ZFAND3: variants seen among roughly 807,000 people sequenced by gnomAD.
ZFAND3 encodes zinc finger AN1-type containing 3, also known as AN1-type zinc finger protein 3.
A neutral mutation model predicts 29.6 loss-of-function variants in ZFAND3; 10 were observed. The ratio of observed to expected loss-of-function variants is 0.34; its 90% CI spans 0.21 to 0.57. ZFAND3 has a LOEUF of 0.57. Among genes scored for constraint, ZFAND3 ranks in the 20% least tolerant of loss-of-function variants. ZFAND3 has a pLI of 0.86. For synonymous variants in ZFAND3, 128 were observed against 112.6 expected (o/e 1.14, Z -0.87); for missense variants, 230 against 304.5 (o/e 0.76, Z 1.82).
At chr6:38,072,158 CTCTG>C (rs1240450042) in intron 3 of ZFAND3, among the ~76,000 whole-genome samples, 87 of 134,992 alleles carry the variant, frequency 6.4e-4, no homozygotes, top group African/African-American at 2.2e-3. Context: ...CTCTCTCTCT[CTCTG>C]TCTCTGTCTC....
At chr6:37,865,149 G>A (rs1366162709) in intron 1 of ZFAND3, among the ~76,000 whole-genome samples, 1 of 152,178 alleles carries the variant, frequency 6.6e-6, no homozygotes, top group Non-Finnish European at 1.5e-5. Flanking sequence ...CTGCACTCCA[G>A]CCTGGGAGAC....
At chr6:37,886,678 A>G (rs1765000591) in intron 1 of ZFAND3, among the ~76,000 whole-genome samples, 1 of 152,142 alleles carries the variant, frequency 6.6e-6, no homozygotes, top group South Asian at 2.1e-4. Context: ...TGAGAATTCC[A>G]TGTTTTGGAT....
At chr6:38,151,801 T>C (rs1433568553) in intron 5 of ZFAND3, among the ~76,000 whole-genome samples, 1 of 152,108 alleles carries the variant, frequency 6.6e-6, no homozygotes, top group Non-Finnish European at 1.5e-5. Flanking sequence ...TGGAATGTCA[T>C]TTAAGACATA....
chr6:37,870,276 C>CA (rs1764667520), intron 1 of ZFAND3, among the ~76,000 whole-genome samples: 1 of 110,490 alleles, frequency 9.1e-6, no homozygotes, highest in Non-Finnish European at 1.7e-5. Flanking sequence ...GCCTGGGCGA[C>CA]AGAGCGAGAC....
intron 2 of ZFAND3, among the ~76,000 whole-genome samples, chr6:38,008,519 C>G (rs1301552381): frequency 3.3e-5 from 5 of 152,108 alleles, no homozygotes; most frequent in African/African-American, 1.2e-4. Flanking sequence ...TACTCCACCC[C>G]TTCTCTCCCA....
chr6:38,152,142 C>T lies in ZFAND3; in HGVS notation c.530-93C>T, dbSNP rs564714623. The T allele has an allele frequency of 1.1e-5, 13 of 1,218,340 alleles. No individual in the cohort carries two copies. The African/African-American group carries it at 1.5e-4, about 15-fold the overall frequency. The allele number at this position is 1,218,340 out of a possible 1,614,324, so 75.5% of individuals were successfully genotyped here. On this transcript the variant is annotated intron_variant, in intron 5 of 5. Transcript: ENST00000287218. ...GAGTGTTGTCCACTCACTGGGATGC[C>T]CCTCCATCCTCTGGACAAAGGCAAT...
chr6:38,154,456 G>A lies in ZFAND3; in HGVS notation c.*2067G>A, dbSNP rs889970971. On this transcript the variant is annotated 3_prime_UTR_variant, in exon 6 of 6. Transcript: ENST00000287218. Reference sequence around the variant, plus strand: ...AAATGTAAGGAAAGCTTAAATTCTTGTATCTTTAAAAGAGAAAATCTTATT... The same window carrying A: ...AAATGTAAGGAAAGCTTAAATTCTTATATCTTTAAAAGAGAAAATCTTATT... 2.0e-6 allele frequency: 2 copies of A among 985,556 alleles called. No homozygotes were observed. The highest frequency in any genetic ancestry group is 3.5e-5 in the African/African-American group (2 of 57,180). The allele number at this position is 985,556 out of a possible 1,614,324, so 61.1% of individuals were successfully genotyped here.
intron 2 of ZFAND3, among the ~76,000 whole-genome samples, chr6:37,968,555 T>A (rs1762331498): frequency 6.6e-6 from 1 of 152,098 alleles, no homozygotes; most frequent in Non-Finnish European, 1.5e-5. Context: ...TAGCAGTTAC[T>A]ACGAGAGAGG....
chr6:38,039,585 C>T (rs187630800), intron 2 of ZFAND3, among the ~76,000 whole-genome samples: 2 of 152,094 alleles, frequency 1.3e-5, no homozygotes, highest in East Asian at 1.9e-4. Context: ...TACATAAAAA[C>T]GAATTGAGGA....
intron 1 of ZFAND3, among the ~76,000 whole-genome samples, chr6:37,898,898 CTTAT>C (rs60885835): frequency 1.3e-5 from 2 of 151,112 alleles, no homozygotes; most frequent in East Asian, 3.9e-4. Flanking sequence ...ATATTCATTT[CTTAT>C]TTATTTATTT....
At chr6:37,836,021 T>C (rs958608764) in intron 1 of ZFAND3, among the ~76,000 whole-genome samples, 6 of 152,106 alleles carry the variant, frequency 3.9e-5, no homozygotes, top group African/African-American at 1.4e-4. Context: ...ATGCCTTAGG[T>C]GTCTGAATTA....
intron 5 of ZFAND3, among the ~76,000 whole-genome samples, chr6:38,121,491 G>T (rs1476347435): frequency 6.6e-6 from 1 of 152,222 alleles, no homozygotes; most frequent in African/African-American, 2.4e-5. Flanking sequence ...CAGAGGTTCT[G>T]ATTTGGTAGA....
At chr6:37,835,902 A>AT (rs1763959252) in intron 1 of ZFAND3, among the ~76,000 whole-genome samples, 1 of 152,174 alleles carries the variant, frequency 6.6e-6, no homozygotes, top group South Asian at 2.1e-4. Context: ...CATGTACCAG[A>AT]TTTTATGTAA....
intron 5 of ZFAND3, among the ~76,000 whole-genome samples, chr6:38,136,107 G>A (rs935498778): frequency 3.9e-5 from 6 of 152,344 alleles, no homozygotes; most frequent in Middle Eastern, 3.4e-3. Context: ...ATTGACCTGA[G>A]AGAGGTGTTT....
chr6:37,840,530 C>G (rs922118419), intron 1 of ZFAND3, among the ~76,000 whole-genome samples: 94 of 152,308 alleles, frequency 6.2e-4, no homozygotes, highest in African/African-American at 2.0e-3. Flanking sequence ...CATGTTTTGG[C>G]TGTTTTGGGT....
rs188064869 is a variant in ZFAND3 at position 37,883,862 on chromosome 6, T to C, written c.72-46097T>C. Reference sequence around the variant, plus strand: ...GCTTGATGGATACCTTTTCATTATCTATTTCCCTTTCTCCCGTCCACCTAA... The same window carrying C: ...GCTTGATGGATACCTTTTCATTATCCATTTCCCTTTCTCCCGTCCACCTAA... On this transcript the variant is annotated intron_variant, in intron 1 of 5. Transcript: ENST00000287218. Among the ~76,000 whole-genome samples the C allele has an allele frequency of 2.1e-5, 3 of 145,486 alleles. No individual in the cohort carries two copies. In the East Asian group the frequency reaches 5.9e-4, roughly 28 times the overall value.
intron 5 of ZFAND3, among the ~76,000 whole-genome samples, chr6:38,140,865 T>G (rs1446644165): frequency 1.3e-5 from 2 of 152,226 alleles, no homozygotes; most frequent in Non-Finnish European, 2.9e-5. Context: ...TTTGAACTCA[T>G]GTCTGCAGAA....
intron 1 of ZFAND3, among the ~76,000 whole-genome samples, chr6:37,885,857 C>T (rs565841150): frequency 2.2e-4 from 34 of 152,122 alleles, no homozygotes; most frequent in Non-Finnish European, 5.9e-5. Context: ...ATCCTCCTGC[C>T]TCAGCCTCCC....
intron 5 of ZFAND3, among the ~76,000 whole-genome samples, chr6:38,139,613 G>A (rs181970113): frequency 6.6e-6 from 1 of 152,276 alleles, no homozygotes; most frequent in Non-Finnish European, 1.5e-5. Context: ...GGAAGCGGCA[G>A]CCAGGGTTGA....
Sources: gnomAD v4.1 joint callset for allele counts (sites outside exome capture counted in the v4.1 genomes callset) on GRCh38, gnomAD v4.1.1 for gene constraint, MANE v1.5 for transcripts, NCBI Gene and HGNC (gene_info 2026-07-23, HGNC 2026-07-21) for gene names.